The following MALRD1 variants were observed in gnomAD, a reference collection of about 807,000 sequenced individuals.
MALRD1 encodes MAM and LDL receptor class A domain containing 1, also known as MAM and LDL-receptor class A domain-containing protein 1.
A neutral mutation model predicts 242.1 loss-of-function variants in MALRD1; 247 were observed. The observed-to-expected ratio is 1.02, with a 90% CI of 0.92 to 1.13. The LOEUF is 1.13. Ranked by LOEUF, MALRD1 falls within the 50% of genes most tolerant of loss-of-function variation. The probability of loss-of-function intolerance (pLI) is 0.00; values close to 1 mark genes in which losing one functional copy is unlikely to be tolerated. For missense variants in MALRD1, 2,989 were observed against 2,533.1 expected (o/e 1.18, Z -3.86); for synonymous variants, 995 against 866.6 (o/e 1.15, Z -2.60).
At chr10:19,308,620 T>C (rs1376345751) in intron 21 of MALRD1, among the ~76,000 whole-genome samples, 2 of 151,528 alleles carry the variant, frequency 1.3e-5, no homozygotes, top group Non-Finnish European at 3.0e-5. Context: ...TGCTACCATA[T>C]CTTGTCCCCA....
At chr10:19,114,804 A>C (rs147603257) in intron 5 of MALRD1, among the ~76,000 whole-genome samples, 11 of 152,316 alleles carry the variant, frequency 7.2e-5, no homozygotes, top group African/African-American at 2.6e-4. Flanking sequence ...GAGGCCAGAC[A>C]TCCAAGTTCA....
chr10:19,655,738 A>G (rs1202246210), intron 36 of MALRD1, among the ~76,000 whole-genome samples: 1 of 151,990 alleles, frequency 6.6e-6, no homozygotes, highest in Admixed American at 6.6e-5. Flanking sequence ...CATTATTACC[A>G]CATCTCTGAT....
chr10:19,428,146 A>T (rs1316169495), intron 28 of MALRD1, among the ~76,000 whole-genome samples: 2 of 151,878 alleles, frequency 1.3e-5, no homozygotes, highest in East Asian at 3.9e-4. Context: ...TGGGGTGGGC[A>T]GGGAGGCTTT....
intron 2 of MALRD1, among the ~76,000 whole-genome samples, chr10:19,069,362 A>G (rs1211949734): frequency 6.6e-6 from 1 of 152,032 alleles, no homozygotes; most frequent in Admixed American, 6.6e-5. Context: ...GTTCACATAT[A>G]TTGGTTCTAT....
At chr10:19,606,609 C>G (rs1280365393) in intron 34 of MALRD1, among the ~76,000 whole-genome samples, 2 of 152,078 alleles carry the variant, frequency 1.3e-5, no homozygotes, top group Non-Finnish European at 2.9e-5. Flanking sequence ...TTGACACATT[C>G]CCTCTGCTCC....
At chr10:19,537,521 T>C (rs1350802813) in intron 32 of MALRD1, among the ~76,000 whole-genome samples, 1 of 152,176 alleles carries the variant, frequency 6.6e-6, no homozygotes, top group Non-Finnish European at 1.5e-5. Flanking sequence ...CTCCCTCCTC[T>C]TTCTCCAGAT....
At chr10:19,706,603 C>T (rs1026760190) in intron 38 of MALRD1, among the ~76,000 whole-genome samples, 1 of 152,056 alleles carries the variant, frequency 6.6e-6, no homozygotes, top group African/African-American at 2.4e-5. Flanking sequence ...CTGCCCACCT[C>T]GGCCTCCTAA....
intron 13 of MALRD1, among the ~76,000 whole-genome samples, chr10:19,172,196 CAT>C (rs72351561): frequency 0.19 from 27,368 of 145,682 alleles, 2,858 homozygotes; most frequent in Admixed American, 0.27. Context: ...CATATATACA[CAT>C]ATATATATGT....
At chr10:19,212,891 A>C (rs1212097339) in intron 18 of MALRD1, among the ~76,000 whole-genome samples, 1 of 151,378 alleles carries the variant, frequency 6.6e-6, no homozygotes, top group Non-Finnish European at 1.5e-5. Flanking sequence ...CTACTTTGAA[A>C]TGTCTGTTCC....
At chr10:19,192,656 A>G (rs1231184169) in intron 14 of MALRD1, among the ~76,000 whole-genome samples, 1 of 152,224 alleles carries the variant, frequency 6.6e-6, no homozygotes, top group Non-Finnish European at 1.5e-5. Flanking sequence ...CCCTAAGCAG[A>G]CAGCCATGCC....
intron 28 of MALRD1, among the ~76,000 whole-genome samples, chr10:19,401,871 T>C (rs538394436): frequency 6.6e-6 from 1 of 152,314 alleles, no homozygotes; most frequent in African/African-American, 2.4e-5. Flanking sequence ...TTTGTAGCAT[T>C]TGTCTTGTGT....
intron 33 of MALRD1, among the ~76,000 whole-genome samples, chr10:19,577,267 A>G (rs1836876554): frequency 6.6e-6 from 1 of 152,182 alleles, no homozygotes; most frequent in African/African-American, 2.4e-5. Context: ...ATAGAATATT[A>G]TTAGATTTTA....
chr10:19,492,938 A>G (rs960698817), intron 30 of MALRD1, among the ~76,000 whole-genome samples: 5 of 152,122 alleles, frequency 3.3e-5, no homozygotes, highest in African/African-American at 1.2e-4. Flanking sequence ...GATGCTTCCA[A>G]TGGGCTCATT....
At chr10:19,337,534 C>T (rs2130943100) in intron 24 of MALRD1, among the ~76,000 whole-genome samples, 1 of 152,080 alleles carries the variant, frequency 6.6e-6, no homozygotes, top group East Asian at 1.9e-4. Flanking sequence ...TCTTATTGGC[C>T]ATTTGTGTAT....
At chr10:19,648,276 T>C (rs755525699) in intron 36 of MALRD1, among the ~76,000 whole-genome samples, 2 of 152,194 alleles carry the variant, frequency 1.3e-5, no homozygotes, top group Non-Finnish European at 2.9e-5. Flanking sequence ...CTGGTATTCA[T>C]TCAAGACACA....
chr10:19,118,847 G>T (rs867101044), intron 5 of MALRD1, among the ~76,000 whole-genome samples: 1 of 152,244 alleles, frequency 6.6e-6, no homozygotes, highest in Admixed American at 6.5e-5. Flanking sequence ...GAGGAAAGAG[G>T]CCTTGGTTTA....
chr10:19,256,224 G>A (rs73593860), intron 18 of MALRD1, among the ~76,000 whole-genome samples: 2,684 of 151,868 alleles, frequency 0.018, 74 homozygotes, highest in African/African-American at 0.06. Context: ...TATTGCAGTG[G>A]GATTTACATG....
chr10:19,527,912 T>A (rs1834175188), intron 31 of MALRD1, among the ~76,000 whole-genome samples: 1 of 152,196 alleles, frequency 6.6e-6, no homozygotes, highest in African/African-American at 2.4e-5. Flanking sequence ...GAAATCCAGA[T>A]ATTCTTATTT....
rs1250727472 is a variant in MALRD1, at chr10:19,450,331, T to C, written c.4870T>C (p.Trp1624Arg). The C allele has an allele frequency of 3.2e-6, 5 of 1,548,710 alleles. No individual in the cohort carries two copies. Among genetic ancestry groups the C allele is most frequent in the Admixed American group, 2.0e-5 (1 of 50,938 alleles). The change falls in exon 29 of 40, where the codon TGG (tryptophan) becomes CGG (arginine). Residue 1624 changes from tryptophan (W) to arginine (R), a missense_variant. Trp to Arg is a moderately radical substitution (Grantham distance 101). Transcript: ENST00000454679. ...IKTEKGLSKVWQESKQNPGNH... is the reference protein window; with the variant it reads ...IKTEKGLSKVRQESKQNPGNH... ...GACAGAGAAAGGACTATCAAAAGTA[T>C]GGCAAGAAAGTAAGCAGAACCCTGG... is the stretch of plus-strand genomic sequence containing the variant.
Sources: allele counts gnomAD v4.1 joint callset (sites outside exome capture counted in the v4.1 genomes callset), GRCh38; gene constraint gnomAD v4.1.1; transcripts MANE v1.5; gene names NCBI Gene and HGNC (gene_info 2026-07-23, HGNC 2026-07-21).